LRP1B: variants seen among roughly 807,000 people sequenced by gnomAD.
LRP1B encodes the protein low-density lipoprotein receptor-related protein 1B.
A neutral mutation model predicts 556.6 loss-of-function variants in LRP1B; 217 were observed. That is an observed-to-expected ratio of 0.39 (90% CI 0.35 to 0.44). The LOEUF is 0.44. Ranked by LOEUF, LRP1B falls within the 20% of genes least tolerant of loss-of-function variation. The pLI is 1.00. For missense variants in LRP1B, 5,053 were observed against 5,620.8 expected, an observed-to-expected ratio of 0.90 and a Z score of 3.23; for synonymous variants, 2,047 against 1,865.8, an observed-to-expected ratio of 1.10 and a Z score of -2.50.
intron 7 of LRP1B, among the ~76,000 whole-genome samples, chr2:141,070,881 A>G (rs1699620553): frequency 6.6e-6 from 1 of 152,104 alleles, no homozygotes; most frequent in African/African-American, 2.4e-5. Context: ...CCAACCAAAA[A>G]GAGTCCAGGA....
chr2:141,798,231 G>GA (rs143270628), intron 2 of LRP1B, among the ~76,000 whole-genome samples: 26,205 of 152,032 alleles, frequency 0.17, 2,542 homozygotes, highest in African/African-American at 0.24. Context: ...GACAGATGAA[G>GA]AAAAAATGCA....
chr2:140,289,175 T>TGA (rs1683275898), intron 84 of LRP1B, among the ~76,000 whole-genome samples: 1 of 151,406 alleles, frequency 6.6e-6, no homozygotes, highest in African/African-American at 2.4e-5. Flanking sequence ...ATCAATAGTT[T>TGA]AATTTTATAA....
At chr2:141,702,691 T>C (rs956042910) in intron 2 of LRP1B, among the ~76,000 whole-genome samples, 7 of 151,794 alleles carry the variant, frequency 4.6e-5, no homozygotes, top group African/African-American at 1.7e-4. Context: ...TTCCAGGAAA[T>C]TGTTTGCAAG....
chr2:141,279,632 A>C (rs367605419), intron 3 of LRP1B, among the ~76,000 whole-genome samples: 1 of 152,180 alleles, frequency 6.6e-6, no homozygotes, highest in East Asian at 1.9e-4. Context: ...TGCTGAATGA[A>C]AACTACATGT....
At chr2:140,237,874 TAATG>T (rs139853271) in intron 89 of LRP1B, among the ~76,000 whole-genome samples, 1,967 of 150,956 alleles carry the variant, frequency 0.013, 23 homozygotes, top group Non-Finnish European at 0.021. Flanking sequence ...CAAAATTAGA[TAATG>T]AATCATTTTT....
intron 84 of LRP1B, among the ~76,000 whole-genome samples, chr2:140,296,301 C>T (rs1395047086): frequency 2.0e-5 from 3 of 152,066 alleles, no homozygotes; most frequent in Admixed American, 6.6e-5. Context: ...GTTCAATCCC[C>T]AAGATACCTC....
intron 47 of LRP1B, among the ~76,000 whole-genome samples, chr2:140,531,996 C>T (rs759702209): frequency 2.0e-5 from 3 of 151,982 alleles, no homozygotes; most frequent in Non-Finnish European, 4.4e-5. Context: ...ATCATTACTC[C>T]ACACTTCCTC....
chr2:142,022,379 TTTATTA>T (rs141586096), intron 1 of LRP1B, among the ~76,000 whole-genome samples: 9 of 151,034 alleles, frequency 6.0e-5, no homozygotes, highest in South Asian at 2.2e-4. Context: ...TTTGAAACAC[TTTATTA>T]TTATTATTAT....
chr2:140,329,769 C>T (rs1380746993), intron 79 of LRP1B, among the ~76,000 whole-genome samples: 1 of 151,910 alleles, frequency 6.6e-6, no homozygotes, highest in Non-Finnish European at 1.5e-5. Flanking sequence ...AAAAAACCTA[C>T]CATGCTCATG....
chr2:141,811,482 T>A (rs1696356889), intron 1 of LRP1B, among the ~76,000 whole-genome samples: 1 of 151,990 alleles, frequency 6.6e-6, no homozygotes, highest in Non-Finnish European at 1.5e-5. Context: ...GTATCCTAGA[T>A]TTGATTTAAT....
chr2:141,976,762 T>G (rs1701899229), intron 1 of LRP1B, among the ~76,000 whole-genome samples: 1 of 151,944 alleles, frequency 6.6e-6, no homozygotes, highest in South Asian at 2.1e-4. Flanking sequence ...TGATTGGCAG[T>G]GAGAAGGGAA....
chr2:140,294,298 A>G (rs1683514823), intron 84 of LRP1B, among the ~76,000 whole-genome samples: 1 of 152,206 alleles, frequency 6.6e-6, no homozygotes, highest in South Asian at 2.1e-4. Flanking sequence ...ATTAAATGTA[A>G]TTTTACATTT....
intron 1 of LRP1B, among the ~76,000 whole-genome samples, chr2:141,895,062 A>AG (rs1484335878): frequency 6.6e-6 from 1 of 150,686 alleles, no homozygotes. Flanking sequence ...AAAAAAAAAA[A>AG]AAAAGAAAAG....
At chr2:140,509,602 G>A (rs1396533788) in intron 52 of LRP1B, among the ~76,000 whole-genome samples, 2 of 152,112 alleles carry the variant, frequency 1.3e-5, no homozygotes, top group African/African-American at 4.8e-5. Context: ...GGTGGACGAC[G>A]CAAAAGAGAA....
intron 2 of LRP1B, among the ~76,000 whole-genome samples, chr2:141,653,394 G>A (rs1031710280): frequency 1.4e-4 from 21 of 152,150 alleles, no homozygotes; most frequent in African/African-American, 5.1e-4. Flanking sequence ...CCAGGCCAGA[G>A]AGATTGCATC....
chr2:140,537,427 C>G (rs1679959667), intron 45 of LRP1B, among the ~76,000 whole-genome samples: 1 of 151,938 alleles, frequency 6.6e-6, no homozygotes, highest in African/African-American at 2.4e-5. Flanking sequence ...TCCCCACCGT[C>G]TGGTCTTCCT....
rs146106040 is a variant in LRP1B at position 140,588,720 on chromosome 2, C to T, written c.7194+9911G>A. Among the ~76,000 whole-genome samples, 499 of 152,262 alleles carry T rather than the reference C, an allele frequency of 3.3e-3. 3 individuals carry two copies. The highest frequency in any genetic ancestry group is 0.012 in the African/African-American group (483 of 41,554). ...TTGGCTCGTGCCTGTAATCCCAGCA[C>T]TTTGGGAGGCCAAGGCGGGTGGATC... On this transcript the variant is annotated intron_variant, in intron 43 of 90. Transcript: ENST00000389484.
At chr2:140,945,754 A>G (rs576206917) in intron 20 of LRP1B, among the ~76,000 whole-genome samples, 1 of 152,326 alleles carries the variant, frequency 6.6e-6, no homozygotes, top group African/African-American at 2.4e-5. Context: ...AAACTATAAA[A>G]ATCCTAGAAG....
In LRP1B at chr2:141,810,353, G is replaced by A. The variant is rs376454570; in HGVS notation, c.131C>T (p.Thr44Ile). The change falls in exon 2 of 91, where the codon ACT (threonine) becomes ATT (isoleucine). Residue 44 changes from threonine (T) to isoleucine (I), a missense_variant. This residue lies in a region of LRP1B where 3,619 missense variants were observed against 3,931.9 expected (regional missense o/e 0.92). Coordinates refer to ENST00000389484, the MANE Select transcript of LRP1B (RefSeq NM_018557.3). ...PGEFLCHDHVTCVSQSWLCDG... is the reference protein window; with the variant it reads ...PGEFLCHDHVICVSQSWLCDG... The stretch of plus-strand genomic sequence containing the variant: ...ACACAGCCAGCTCTGGGAGACACAA[G>A]TCACGTGATCGTGGCAAAGAAATTC... 4.3e-6 allele frequency: 7 copies of A among 1,613,116 alleles called. No homozygotes were observed. The highest frequency in any genetic ancestry group is 5.9e-6 in the Non-Finnish European group (7 of 1,179,444).
Sources: allele counts gnomAD v4.1 joint callset (sites outside exome capture counted in the v4.1 genomes callset), GRCh38; gene constraint gnomAD v4.1.1; regional missense constraint gnomAD v4.1.1; transcripts MANE v1.5; gene names NCBI Gene and HGNC (gene_info 2026-07-23, HGNC 2026-07-21).